Variants in CRYBG3 observed in about 807,000 individuals in gnomAD.
The protein encoded by CRYBG3 is very large A-kinase anchor protein.
CRYBG3 carries 127 observed loss-of-function variants against 244.2 expected under a neutral mutation model. The observed-to-expected ratio is 0.52, with a 90% CI of 0.45 to 0.60. The LOEUF (loss-of-function observed/expected upper bound fraction) is 0.60, where lower values mean the gene tolerates loss of function less well. Ranked by LOEUF, CRYBG3 falls within the 20% of genes least tolerant of loss-of-function variation. CRYBG3 has a pLI of 0.00. For missense variants in CRYBG3, 3,325 were observed against 3,442.5 expected (o/e 0.97, Z 0.85); for synonymous variants, 1,132 against 1,195.8 (o/e 0.95, Z 1.10).
chr3:97,825,094 A>T (rs983176914), intron 1 of CRYBG3, among the ~76,000 whole-genome samples: 1 of 152,178 alleles, frequency 6.6e-6, no homozygotes, highest in South Asian at 2.1e-4. Flanking sequence ...GGGGTTTATG[A>T]TCTGTTAGGG....
chr3:97,851,865 G>A (rs1282460861), intron 2 of CRYBG3, among the ~76,000 whole-genome samples: 1 of 152,174 alleles, frequency 6.6e-6, no homozygotes, highest in Non-Finnish European at 1.5e-5. Flanking sequence ...AGAACATAGT[G>A]GGGGATAACA....
At chr3:97,865,604 C>A (rs796903776) in intron 3 of CRYBG3, among the ~76,000 whole-genome samples, 5 of 152,210 alleles carry the variant, frequency 3.3e-5, no homozygotes, top group African/African-American at 1.2e-4. Flanking sequence ...ATTGATCCAG[C>A]TGTGGTATTT....
At position 97,873,221 on chromosome 3, in the gene CRYBG3, A is replaced by G. The variant is rs1314984494; in HGVS notation, c.2027A>G (p.Asn676Ser). ...AAGTTGGATATTCCTGATTTAATGA[A>G]TGAGGGTTCTCCTGTGCCCATTGAA... ...LSKLDIPDLM[N>S]EGSPVPIETG... The change falls in exon 4 of 22, where the codon AAT (asparagine) becomes AGT (serine). Residue 676 changes from asparagine to serine, a missense_variant. Coordinates refer to ENST00000389622, the MANE Select transcript of CRYBG3 (RefSeq NM_153605.4). 1 of 1,535,914 alleles carries G rather than the reference A, an allele frequency of 6.5e-7. No homozygotes were observed. Among genetic ancestry groups the G allele is most frequent in the East Asian group, 2.4e-5 (1 of 40,916 alleles).
At chr3:97,882,641 C>T (rs538242018) in intron 7 of CRYBG3, among the ~76,000 whole-genome samples, 157 of 152,150 alleles carry the variant, frequency 1.0e-3, no homozygotes, top group African/African-American at 3.3e-3. Context: ...ACTCATGTGA[C>T]AGTAATGGAT....
rs1420244002 is a variant in CRYBG3 at position 97,881,054 on chromosome 3, G to T, written c.7005-18G>T. ...AGAAAATTAAATATAACTCATCATT[G>T]CATTTCTCTTTGTTTAGCTGGATTT... On this transcript the variant is annotated intron_variant, in intron 6 of 21. Coordinates refer to ENST00000389622, the MANE Select transcript of CRYBG3 (RefSeq NM_153605.4). 4 of 1,561,918 alleles carry T rather than the reference G, an allele frequency of 2.6e-6. No homozygotes were observed. The highest frequency in any genetic ancestry group is 3.5e-6 in the Non-Finnish European group (4 of 1,158,170).
intron 1 of CRYBG3, among the ~76,000 whole-genome samples, chr3:97,830,580 G>GT (rs1337879643): frequency 1.3e-5 from 2 of 152,084 alleles, no homozygotes; most frequent in Non-Finnish European, 2.9e-5. Context: ...TTTAGTAAAT[G>GT]ATAGTTTGGG....
intron 7 of CRYBG3, among the ~76,000 whole-genome samples, chr3:97,881,759 CTA>C (rs947231720): frequency 2.6e-5 from 4 of 151,388 alleles, no homozygotes; most frequent in African/African-American, 9.7e-5. Context: ...ACATGATGTA[CTA>C]TATATATATT....
chr3:97,933,732 G>A lies in CRYBG3; in HGVS notation c.8280G>A (p.Glu2760=). ...EEPSISLFAL[E]HCEGRELHLE... is the part of the protein sequence containing the mutation. ...CCTCCATCAGCCTTTTTGCTCTGGA[G>A]CATTGTGAGGGAAGAGAGTTACATC... is the stretch of plus-strand genomic sequence containing the variant. Residue 2760 remains glutamate (E), a synonymous_variant, in exon 18 of 22, where the codon GAG becomes GAA. Transcript: ENST00000389622. The A allele has an allele frequency of 2.5e-6, 4 of 1,613,150 alleles. No individual in the cohort carries two copies. The South Asian group carries it at 3.3e-5, about 13-fold the overall frequency.
chr3:97,898,874 T>C lies in CRYBG3; in HGVS notation c.7702-9T>C. Reference sequence around the variant, plus strand: ...ATGTTTTCCTAAACTTTCCTCTTTCTCCTTTTAGAATTTTATAGAATCTTC... The same window carrying C: ...ATGTTTTCCTAAACTTTCCTCTTTCCCCTTTTAGAATTTTATAGAATCTTC... On this transcript the variant is annotated splice_polypyrimidine_tract_variant and intron_variant, in intron 12 of 21. Coordinates refer to ENST00000389622, the MANE Select transcript of CRYBG3 (RefSeq NM_153605.4). 2 of 1,572,920 alleles carry C rather than the reference T, an allele frequency of 1.3e-6. No homozygotes were observed. Among genetic ancestry groups the C allele is most frequent in the Non-Finnish European group, 8.6e-7 (1 of 1,158,546 alleles).
chr3:97,928,812 G>A (rs566485193), intron 17 of CRYBG3, among the ~76,000 whole-genome samples: 1 of 151,952 alleles, frequency 6.6e-6, no homozygotes, highest in Admixed American at 6.6e-5. Flanking sequence ...GAGTTATGTT[G>A]ACTAGGAAAA....
chr3:97,830,772 G>A (rs2038644463), intron 1 of CRYBG3, among the ~76,000 whole-genome samples: 1 of 151,806 alleles, frequency 6.6e-6, no homozygotes, highest in Admixed American at 6.6e-5. Context: ...CTCTACAAAT[G>A]CACAGTAATG....
intron 1 of CRYBG3, among the ~76,000 whole-genome samples, chr3:97,838,118 G>T (rs2038759899): frequency 6.6e-6 from 1 of 152,042 alleles, no homozygotes; most frequent in African/African-American, 2.4e-5. Context: ...TCTGTGGTAT[G>T]GACTGAAAAA....
intron 1 of CRYBG3, among the ~76,000 whole-genome samples, chr3:97,839,074 T>C (rs2038775851): frequency 6.6e-6 from 1 of 152,148 alleles, no homozygotes; most frequent in Non-Finnish European, 1.5e-5. Flanking sequence ...TATTTGTGCG[T>C]ACATGTGATT....
intron 15 of CRYBG3, among the ~76,000 whole-genome samples, chr3:97,908,850 C>T (rs1375569114): frequency 6.6e-6 from 1 of 152,096 alleles, no homozygotes; most frequent in Non-Finnish European, 1.5e-5. Flanking sequence ...TCTGGATGGT[C>T]GTTACATTTT....
intron 2 of CRYBG3, among the ~76,000 whole-genome samples, chr3:97,853,936 A>G (rs908874403): frequency 4.6e-5 from 7 of 152,194 alleles, no homozygotes; most frequent in African/African-American, 1.4e-4. Flanking sequence ...GATTTTATCT[A>G]CTAGAATTAT....
chr3:97,918,871 T>G (rs778741190), intron 17 of CRYBG3, among the ~76,000 whole-genome samples: 1 of 152,172 alleles, frequency 6.6e-6, no homozygotes, highest in Admixed American at 6.6e-5. Context: ...CATTTGAAGC[T>G]TCTGCTCAGA....
intron 17 of CRYBG3, among the ~76,000 whole-genome samples, chr3:97,916,606 G>A (rs2039931839): frequency 6.6e-6 from 1 of 152,132 alleles, no homozygotes; most frequent in South Asian, 2.1e-4. Context: ...GAGCTGATTA[G>A]AAACTCTACA....
intron 2 of CRYBG3, among the ~76,000 whole-genome samples, chr3:97,862,207 T>G: frequency 6.6e-6 from 1 of 152,136 alleles, no homozygotes; most frequent in East Asian, 1.9e-4. Context: ...TTGAAAAGAA[T>G]GAGCAAGTAA....
At chr3:97,862,108 T>G (rs913783454) in intron 2 of CRYBG3, among the ~76,000 whole-genome samples, 4 of 152,008 alleles carry the variant, frequency 2.6e-5, no homozygotes, top group African/African-American at 4.8e-5. Context: ...TTTAAAAAAT[T>G]ATTTACTACT....
Sources: allele counts gnomAD v4.1 joint callset (sites outside exome capture counted in the v4.1 genomes callset), GRCh38; gene constraint gnomAD v4.1.1; transcripts MANE v1.5; gene names NCBI Gene and HGNC (gene_info 2026-07-23, HGNC 2026-07-21).